RGS22: variants seen among roughly 807,000 people sequenced by gnomAD.
The protein encoded by RGS22 is regulator of G-protein signaling 22.
A neutral mutation model predicts 172.9 loss-of-function variants in RGS22; 148 were observed. The observed-to-expected ratio is 0.86, with a 90% CI of 0.75 to 0.98. RGS22 has a LOEUF of 0.98. Among genes scored for constraint, RGS22 ranks in the 50% least tolerant of loss-of-function variants. The pLI is 0.00. For missense variants in RGS22, 1,347 were observed against 1,440.8 expected, an observed-to-expected ratio of 0.93 and a Z score of 1.05; for synonymous variants, 458 against 480.2, an observed-to-expected ratio of 0.95 and a Z score of 0.60.
intron 14 of RGS22, among the ~76,000 whole-genome samples, chr8:100,036,150 TC>T: frequency 6.7e-6 from 1 of 149,700 alleles, no homozygotes; most frequent in South Asian, 2.1e-4. Flanking sequence ...AAGAAAAATC[TC>T]CAAATTAAAA....
chr8:99,969,360 C>A (rs911171626), intron 23 of RGS22, among the ~76,000 whole-genome samples: 1 of 152,164 alleles, frequency 6.6e-6, no homozygotes, highest in African/African-American at 2.4e-5. Context: ...CAGCTAGCAT[C>A]ATGATGACAG....
chr8:100,006,538 G>A (rs1000555494), intron 15 of RGS22, among the ~76,000 whole-genome samples: 13 of 152,148 alleles, frequency 8.5e-5, no homozygotes, highest in Non-Finnish European at 1.8e-4. Context: ...AGTAAGAGAG[G>A]AGACCATCAA....
chr8:100,067,536 A>G (rs758988341), intron 6 of RGS22, among the ~76,000 whole-genome samples: 1 of 152,186 alleles, frequency 6.6e-6, no homozygotes, highest in Non-Finnish European at 1.5e-5. Flanking sequence ...CAACTGCAAA[A>G]AAAGAATGAG....
intron 23 of RGS22, among the ~76,000 whole-genome samples, chr8:99,971,084 A>G (rs575447777): frequency 3.3e-5 from 5 of 152,368 alleles, no homozygotes; most frequent in African/African-American, 4.8e-5. Context: ...TATGCAAATC[A>G]ATAAACATAA....
At chr8:99,972,712 A>G (rs188818611) in intron 23 of RGS22, among the ~76,000 whole-genome samples, 4 of 152,340 alleles carry the variant, frequency 2.6e-5, no homozygotes, top group Admixed American at 2.6e-4. Flanking sequence ...ATACCATCTC[A>G]CACCAGTTAG....
intron 9 of RGS22, 62 bp downstream of exon 9, chr8:100,062,529 A>C: frequency 8.8e-7 from 1 of 1,132,236 alleles, no homozygotes; most frequent in South Asian, 1.4e-5. Flanking sequence ...AAGACAAAAA[A>C]AGTATAACTC....
intron 3 of RGS22, among the ~76,000 whole-genome samples, chr8:100,084,654 C>T (rs903880623): frequency 3.9e-5 from 6 of 152,124 alleles, no homozygotes; most frequent in African/African-American, 1.4e-4. Context: ...TAGCTTAGAT[C>T]CTGGAAGGTC....
rs1815398343 is a variant in RGS22, at chr8:100,004,040, G to A, written c.2513C>T (p.Thr838Ile). Residue 838 changes from threonine to isoleucine, a missense_variant, in exon 17 of 28, where the codon ACA becomes ATA. Thr to Ile is a moderately conservative substitution (Grantham distance 89, BLOSUM62 -1). Coordinates refer to ENST00000360863, the MANE Select transcript of RGS22 (RefSeq NM_015668.5). ...ILSLSNVSKR[T>I]EYWDNVPAEY... ...TGCAGGAACATTATCCCAATATTCT[G>A]TTCGTTTAGAGACGTTAGAGAGTGA... The A allele has an allele frequency of 6.2e-7, 1 of 1,611,736 alleles. No individual in the cohort carries two copies.
At chr8:99,977,826 C>T (rs910374892) in intron 23 of RGS22, 91 bp downstream of exon 23, 2 of 1,101,566 alleles carry the variant, frequency 1.8e-6, no homozygotes, top group Non-Finnish European at 2.6e-6. Flanking sequence ...TAACTTCTCT[C>T]TATATATCCC....
intron 23 of RGS22, among the ~76,000 whole-genome samples, chr8:99,967,334 T>G (rs1301148757): frequency 7.0e-6 from 1 of 142,886 alleles, no homozygotes; most frequent in East Asian, 2.0e-4. Flanking sequence ...CGGGAGTTTG[T>G]TTTTTTTTTT....
In RGS22 at chr8:100,063,592, A is replaced by G. The variant is rs1810312919; in HGVS notation, c.1176T>C (p.Ala392=). Residue 392 remains alanine (A), a synonymous_variant, in exon 8 of 28, where the codon GCT becomes GCC. Transcript: ENST00000360863. ...ACCAGTCCGCCCTGCTCTCTGGTCC[A>G]GCGCTCTCATTCTTTGAACTTAAAC... ...QTSLSSKNES[A]GPESRADWCI... The G allele has an allele frequency of 1.2e-6, 2 of 1,614,108 alleles. No individual in the cohort carries two copies. The highest frequency in any genetic ancestry group is 2.2e-5 in the South Asian group (2 of 91,086).
chr8:100,027,721 G>A (rs1818335843), intron 14 of RGS22, among the ~76,000 whole-genome samples: 1 of 152,124 alleles, frequency 6.6e-6, no homozygotes, highest in African/African-American at 2.4e-5. Flanking sequence ...GAGCTCAGTT[G>A]ATCCACCTAC....
intron 19 of RGS22, 38 bp downstream of exon 19, chr8:99,999,224 T>TGACA (rs1441786309): frequency 6.3e-7 from 1 of 1,584,114 alleles, no homozygotes; most frequent in Non-Finnish European, 8.6e-7. Flanking sequence ...TCAGAGGTAC[T>TGACA]GACAACTGCT....
chr8:100,102,295 T>C (rs1652452137), intron 2 of RGS22, among the ~76,000 whole-genome samples: 2 of 152,216 alleles, frequency 1.3e-5, no homozygotes, highest in African/African-American at 2.4e-5. Context: ...AATTTGGTTC[T>C]GTGACCATGT....
At chr8:100,052,650 C>G in intron 10 of RGS22, 152 bp downstream of exon 10, 1 of 723,042 alleles carries the variant, frequency 1.4e-6, no homozygotes, top group East Asian at 2.8e-5. Context: ...AGAGAACAGA[C>G]TGTAGGTTTT....
intron 4 of RGS22, among the ~76,000 whole-genome samples, chr8:100,077,144 C>A (rs1183157877): frequency 6.6e-6 from 1 of 151,970 alleles, no homozygotes; most frequent in African/African-American, 2.4e-5. Context: ...GTATATCTTT[C>A]TCTTTTTCTT....
At chr8:99,976,525 C>A (rs1227336192) in intron 23 of RGS22, among the ~76,000 whole-genome samples, 4 of 152,060 alleles carry the variant, frequency 2.6e-5, no homozygotes, top group Non-Finnish European at 5.9e-5. Context: ...CCACGCCCGG[C>A]TAATTTTTTG....
intron 14 of RGS22, among the ~76,000 whole-genome samples, chr8:100,032,723 A>G (rs1440543156): frequency 6.6e-6 from 1 of 152,228 alleles, no homozygotes; most frequent in Admixed American, 6.5e-5. Context: ...CATTCTTCTC[A>G]GCACCACATA....
intron 20 of RGS22, among the ~76,000 whole-genome samples, chr8:99,992,152 G>C (rs2312614): frequency 0.43 from 64,942 of 152,050 alleles, 14,090 homozygotes; most frequent in East Asian, 0.48. Context: ...GTACCAGCCA[G>C]CACAAAAACA....
Sources: allele counts gnomAD v4.1 joint callset (sites outside exome capture counted in the v4.1 genomes callset), GRCh38; gene constraint gnomAD v4.1.1; transcripts MANE v1.5; gene names NCBI Gene and HGNC (gene_info 2026-07-23, HGNC 2026-07-21).